The following ICA1 variants were observed in gnomAD, a reference collection of about 807,000 sequenced individuals.
ICA1 encodes the protein 69 kDa islet cell autoantigen.
In ICA1, 40 loss-of-function variants were observed where a neutral mutation model predicts 71.0. The observed-to-expected ratio is 0.56, with a 90% confidence interval of 0.44 to 0.73. The LOEUF (loss-of-function observed/expected upper bound fraction) is 0.73. Ranked by LOEUF, ICA1 falls within the 30% of genes least tolerant of loss-of-function variation. ICA1 has a pLI of 0.00. For synonymous variants in ICA1, 207 were observed against 209.5 expected (o/e 0.99, Z 0.10); for missense variants, 578 against 576.5 (o/e 1.00, Z -0.03).
chr7:8,152,643 TCCACCACCA>T (rs777722192), intron 8 of ICA1, among the ~76,000 whole-genome samples: 31 of 94,350 alleles, frequency 3.3e-4, no homozygotes, highest in Non-Finnish European at 2.4e-4. Flanking sequence ...CACCATCTCC[TCCACCACCA>T]CCACCACCAC....
At chr7:8,174,417 G>A (rs1779833908) in intron 6 of ICA1, among the ~76,000 whole-genome samples, 1 of 152,040 alleles carries the variant, frequency 6.6e-6, no homozygotes, top group South Asian at 2.1e-4. Flanking sequence ...CGAACCTAGT[G>A]CACTAGAAAT....
chr7:8,159,195 G>C (rs1375694230), intron 6 of ICA1, among the ~76,000 whole-genome samples: 1 of 152,110 alleles, frequency 6.6e-6, no homozygotes, highest in African/African-American at 2.4e-5. Context: ...TCCAATCTAA[G>C]ATCCCGTCGG....
intron 1 of ICA1, among the ~76,000 whole-genome samples, chr7:8,239,023 G>T (rs968213726): frequency 6.6e-6 from 1 of 152,146 alleles, no homozygotes; most frequent in Non-Finnish European, 1.5e-5. Flanking sequence ...TTGGAAATTG[G>T]TCTTTCTTGA....
chr7:8,253,563 A>G (rs1485903259), intron 1 of ICA1, among the ~76,000 whole-genome samples: 1 of 152,188 alleles, frequency 6.6e-6, no homozygotes, highest in Admixed American at 6.5e-5. Flanking sequence ...CCACCTATAC[A>G]CCAGTTTTTT....
At position 8,236,021 on chromosome 7, in the gene ICA1, T is replaced by C. The variant is rs1801742946; in HGVS notation, c.-79-16A>G. ...ATATTATAACCTGAAATAAAACAAA[T>C]ATGTTTAATAGTTACACACCATATT... is the stretch of plus-strand genomic sequence containing the variant. On this transcript the variant is annotated splice_polypyrimidine_tract_variant and intron_variant, in intron 1 of 13. Coordinates refer to ENST00000402384, the MANE Select transcript of ICA1 (RefSeq NM_001136020.3). 1.6e-6 allele frequency: 2 copies of C among 1,286,298 alleles called. No homozygotes were observed. Among genetic ancestry groups the C allele is most frequent in the African/African-American group, 3.0e-5 (2 of 67,578 alleles). The allele number at this position is 1,286,298 out of a possible 1,614,324, so 79.7% of individuals were successfully genotyped here.
Position 8,234,918 on chromosome 7 carries a change from C to T in ICA1, c.17+992G>A, listed in dbSNP as rs1178070623. 6.6e-6 allele frequency among the ~76,000 whole-genome samples: 1 copy of T among 152,150 alleles called. No homozygotes were observed. The highest frequency in any genetic ancestry group is 1.5e-5 in the Non-Finnish European group (1 of 68,030). ...CGGTGGCTCATGCCTGTAATCCCAG[C>T]ACTTTGGGAGGCTGAGGTGGGCAGA... is the stretch of plus-strand genomic sequence containing the variant. On this transcript the variant is annotated intron_variant, in intron 2 of 13. Transcript: ENST00000402384. The surrounding 1 kb of genome is among the most constrained non-coding windows in gnomAD (Gnocchi z 4.5).
intron 8 of ICA1, among the ~76,000 whole-genome samples, chr7:8,150,306 C>T (rs559134336): frequency 6.6e-6 from 1 of 152,312 alleles, no homozygotes; most frequent in South Asian, 2.1e-4. Context: ...GGTGCTTCTA[C>T]ACAGTACCAA....
intron 4 of ICA1, 70 bp downstream of exon 4, chr7:8,228,531 G>T: frequency 3.4e-6 from 3 of 885,112 alleles, no homozygotes; most frequent in Non-Finnish European, 3.5e-6. Flanking sequence ...CATATGAAAT[G>T]ATGTATCAAG....
intron 13 of ICA1, among the ~76,000 whole-genome samples, chr7:8,121,263 C>G (rs181370550): frequency 3.3e-5 from 5 of 152,258 alleles, no homozygotes; most frequent in African/African-American, 1.2e-4. Flanking sequence ...TCCTCTCCCC[C>G]ACTTCTTGCC....
chr7:8,245,414 TG>T lies in ICA1; in HGVS notation c.-79-9410del, dbSNP rs1805604935. 2.4e-5 allele frequency among the ~76,000 whole-genome samples: 2 copies of T among 85,058 alleles called. 1 individual carries two copies. Among genetic ancestry groups the T allele is most frequent in the South Asian group, 1.0e-3 (2 of 1,986 alleles). The allele number at this position is 85,058 out of a possible 152,430, so 55.8% of individuals were successfully genotyped here. A position where few individuals can be genotyped will look rare whatever the true frequency, so the allele number is the denominator to read the frequency against. On this transcript the variant is annotated intron_variant, in intron 1 of 13. Coordinates refer to ENST00000402384, the MANE Select transcript of ICA1 (RefSeq NM_001136020.3). ...TCACACACTGGGGCCTGTTGTGGGGTGGGGGGTGGGGGCAGGGATGGCATTT... is the reference window on the plus strand; with the variant it reads ...TCACACACTGGGGCCTGTTGTGGGGTGGGGGTGGGGGCAGGGATGGCATTT...
Position 8,113,897 on chromosome 7 carries a change from T to G in ICA1, c.*26A>C. 3 of 1,613,922 alleles carry G rather than the reference T, an allele frequency of 1.9e-6. No individual in the cohort carries two copies. Among genetic ancestry groups the G allele is most frequent in the Non-Finnish European group, 2.5e-6 (3 of 1,179,828 alleles). On this transcript the variant is annotated 3_prime_UTR_variant, in exon 14 of 14. Transcript: ENST00000402384. This position sits in a 1 kb window ranked among gnomAD's most constrained non-coding sequence, Gnocchi z 4.2. ...CAGGGGAGCTGCTGGGGGCGGCATG[T>G]GAGTGCCCTCCCGAAGGGTACAGAT...
At chr7:8,217,865 C>T (rs773197773) in intron 6 of ICA1, among the ~76,000 whole-genome samples, 1 of 152,218 alleles carries the variant, frequency 6.6e-6, no homozygotes, top group African/African-American at 2.4e-5. Flanking sequence ...TGCAACTAAA[C>T]CCCACTGCTT....
chr7:8,159,056 A>T (rs1205229686), intron 6 of ICA1, among the ~76,000 whole-genome samples: 1 of 152,194 alleles, frequency 6.6e-6, no homozygotes, highest in Non-Finnish European at 1.5e-5. Context: ...CCTAGTGTTA[A>T]CATCTTATAG....
chr7:8,218,013 G>A (rs1795915885), intron 6 of ICA1, among the ~76,000 whole-genome samples: 1 of 152,176 alleles, frequency 6.6e-6, no homozygotes, highest in African/African-American at 2.4e-5. Context: ...AGTTATGCAT[G>A]AAAAGGCATT....
intron 6 of ICA1, among the ~76,000 whole-genome samples, chr7:8,175,645 A>T (rs1326185741): frequency 3.3e-5 from 5 of 152,230 alleles, no homozygotes; most frequent in Non-Finnish European, 4.4e-5. Context: ...TGGAAAAGCC[A>T]CCAAACTTTT....
chr7:8,209,328 C>T (rs1377174272), intron 6 of ICA1, among the ~76,000 whole-genome samples: 1 of 151,984 alleles, frequency 6.6e-6, no homozygotes, highest in Non-Finnish European at 1.5e-5. Context: ...ACAAAACATG[C>T]TTAATTTTAA....
chr7:8,185,726 G>A (rs1448275869), intron 6 of ICA1, among the ~76,000 whole-genome samples: 1 of 152,212 alleles, frequency 6.6e-6, no homozygotes, highest in Non-Finnish European at 1.5e-5. Context: ...AAGGTCATTT[G>A]ATCCAAGCCT....
chr7:8,255,153 C>G (rs1334178554), intron 1 of ICA1, among the ~76,000 whole-genome samples: 1 of 152,154 alleles, frequency 6.6e-6, no homozygotes, highest in Non-Finnish European at 1.5e-5. Flanking sequence ...ATCAACCTCC[C>G]TTGGCTTCTA....
At chr7:8,164,577 C>A (rs1179131244) in intron 6 of ICA1, among the ~76,000 whole-genome samples, 2 of 152,108 alleles carry the variant, frequency 1.3e-5, no homozygotes, top group Non-Finnish European at 2.9e-5. Flanking sequence ...CACCTCAGAC[C>A]ACATCAGAAA....
Sources: gnomAD v4.1 joint callset for allele counts (sites outside exome capture counted in the v4.1 genomes callset) on GRCh38, gnomAD v4.1.1 for gene constraint, Gnocchi (gnomAD v3.1) non-coding constraint, MANE v1.5 for transcripts, NCBI Gene and HGNC (gene_info 2026-07-23, HGNC 2026-07-21) for gene names.